The following NELL1 variants were observed in gnomAD, a reference collection of about 807,000 sequenced individuals.
NELL1 encodes the protein protein kinase C-binding protein NELL1.
A neutral mutation model predicts 107.4 loss-of-function variants in NELL1; 76 were observed. That is an observed-to-expected ratio of 0.71 (90% confidence interval 0.59 to 0.86). NELL1 has a LOEUF of 0.86. Ranked by LOEUF, NELL1 falls within the 40% of genes least tolerant of loss-of-function variation. The probability of loss-of-function intolerance (pLI) is 0.00; values close to 1 mark genes in which losing one functional copy is unlikely to be tolerated. For missense variants in NELL1, 1,024 were observed against 1,005.5 expected (o/e 1.02, Z -0.25); for synonymous variants, 353 against 341.2 (o/e 1.03, Z -0.38).
chr11:20,915,007 G>A (rs1270479886), intron 5 of NELL1, among the ~76,000 whole-genome samples: 1 of 151,942 alleles, frequency 6.6e-6, no homozygotes, highest in Admixed American at 6.6e-5. Flanking sequence ...GTTCAGTATT[G>A]TATAATTCAT....
chr11:21,115,017 A>G (rs7928566), intron 13 of NELL1, among the ~76,000 whole-genome samples: 110,660 of 151,878 alleles, frequency 0.73, 40,717 homozygotes, highest in African/African-American at 0.82. Context: ...CATTAATTAA[A>G]GCCCTGCTGT....
intron 12 of NELL1, among the ~76,000 whole-genome samples, chr11:21,076,943 A>G (rs1278713357): frequency 1.3e-5 from 2 of 152,030 alleles, no homozygotes; most frequent in South Asian, 2.1e-4. Context: ...ATGCCAACCT[A>G]TGCTTCTGTA....
intron 10 of NELL1, among the ~76,000 whole-genome samples, chr11:20,943,420 T>C (rs1850897925): frequency 6.6e-6 from 1 of 151,720 alleles, no homozygotes; most frequent in Non-Finnish European, 1.5e-5. Context: ...CTGTCTCTAC[T>C]AAAATACAAA....
At chr11:20,785,440 C>T (rs1856934894) in intron 3 of NELL1, among the ~76,000 whole-genome samples, 1 of 152,212 alleles carries the variant, frequency 6.6e-6, no homozygotes, top group Non-Finnish European at 1.5e-5. Context: ...GATTGAGTGT[C>T]AAGGCAAGTC....
At chr11:20,719,778 G>T (rs1440225266) in intron 2 of NELL1, among the ~76,000 whole-genome samples, 1 of 152,166 alleles carries the variant, frequency 6.6e-6, no homozygotes, top group Non-Finnish European at 1.5e-5. Context: ...TATGAAATAA[G>T]AGTGAAACTT....
chr11:21,280,690 A>G (rs1848972129), intron 14 of NELL1, among the ~76,000 whole-genome samples: 1 of 152,122 alleles, frequency 6.6e-6, no homozygotes, highest in Non-Finnish European at 1.5e-5. Context: ...TCAGAACTTG[A>G]GTTACTGCAA....
chr11:20,906,979 C>T (rs1354333501), intron 5 of NELL1, among the ~76,000 whole-genome samples: 1 of 152,052 alleles, frequency 6.6e-6, no homozygotes, highest in Non-Finnish European at 1.5e-5. Context: ...ACTGGAATTT[C>T]TAGCCAGTGC....
intron 12 of NELL1, among the ~76,000 whole-genome samples, chr11:20,994,418 C>T (rs11604153): frequency 0.011 from 1,685 of 152,236 alleles, 18 homozygotes; most frequent in Non-Finnish European, 0.014. Context: ...AATAGCATGC[C>T]AATTTTTATA....
At chr11:20,706,628 A>G (rs147099661) in intron 2 of NELL1, among the ~76,000 whole-genome samples, 13,682 of 151,958 alleles carry the variant, frequency 0.09, 820 homozygotes, top group Non-Finnish European at 0.13. Context: ...TATGTAACAA[A>G]CCTGCACGTT....
intron 4 of NELL1, among the ~76,000 whole-genome samples, chr11:20,876,594 C>G (rs958283620): frequency 2.0e-5 from 3 of 152,030 alleles, no homozygotes. Context: ...GAAACCCGGT[C>G]TCTACTAAAA....
chr11:21,176,068 C>T (rs143753778), intron 13 of NELL1, among the ~76,000 whole-genome samples: 8 of 151,870 alleles, frequency 5.3e-5, no homozygotes, highest in Admixed American at 4.6e-4. Flanking sequence ...AAACTCTGGG[C>T]CTAAATATTT....
At chr11:21,159,782 T>C (rs1856321494) in intron 13 of NELL1, among the ~76,000 whole-genome samples, 2 of 152,192 alleles carry the variant, frequency 1.3e-5, no homozygotes, top group Non-Finnish European at 2.9e-5. Context: ...GGCTGACCGG[T>C]TGAAACACAA....
intron 2 of NELL1, among the ~76,000 whole-genome samples, chr11:20,697,127 G>A (rs145926345): frequency 2.6e-4 from 39 of 152,174 alleles, no homozygotes; most frequent in Middle Eastern, 3.4e-3. Flanking sequence ...CGATGGTGCC[G>A]GGAAAAGAAT....
At chr11:20,914,124 C>A (rs74233033) in intron 5 of NELL1, among the ~76,000 whole-genome samples, 1 of 151,990 alleles carries the variant, frequency 6.6e-6, no homozygotes, top group Non-Finnish European at 1.5e-5. Flanking sequence ...GAGTGTTAAT[C>A]GAAAAGTGTC....
At chr11:20,903,160 G>GTA (rs1017798540) in intron 5 of NELL1, among the ~76,000 whole-genome samples, 1 of 152,014 alleles carries the variant, frequency 6.6e-6, no homozygotes, top group Non-Finnish European at 1.5e-5. Context: ...GTGAATATAT[G>GTA]TATATATGTG....
intron 15 of NELL1, among the ~76,000 whole-genome samples, chr11:21,379,940 GA>G (rs1214957091): frequency 6.6e-6 from 1 of 152,000 alleles, no homozygotes; most frequent in Non-Finnish European, 1.5e-5. Flanking sequence ...GAGATTTTAA[GA>G]ATTTTTAAGA....
chr11:20,998,046 C>T (rs56996476), intron 12 of NELL1, among the ~76,000 whole-genome samples: 4,226 of 152,208 alleles, frequency 0.028, 160 homozygotes, highest in African/African-American at 0.087. Context: ...AGCCCACAAG[C>T]AACAAGCAAA....
chr11:20,736,135 T>G (rs1282837836), intron 2 of NELL1, among the ~76,000 whole-genome samples: 1 of 152,046 alleles, frequency 6.6e-6, no homozygotes, highest in African/African-American at 2.4e-5. Flanking sequence ...AAATAAGAAG[T>G]GAGGTCATCC....
chr11:21,136,451 G>T (rs141948394), intron 13 of NELL1, among the ~76,000 whole-genome samples: 492 of 152,324 alleles, frequency 3.2e-3, no homozygotes, highest in Non-Finnish European at 4.7e-3. Flanking sequence ...GGTGACATCA[G>T]TAGTTCAGTA....
Sources: gnomAD v4.1 joint callset for allele counts (sites outside exome capture counted in the v4.1 genomes callset) on GRCh38, gnomAD v4.1.1 for gene constraint, MANE v1.5 for transcripts, NCBI Gene and HGNC (gene_info 2026-07-23, HGNC 2026-07-21) for gene names.